TRIM43: variants seen among roughly 807,000 people sequenced by gnomAD.
TRIM43 encodes tripartite motif-containing protein 43.
In TRIM43, 12 loss-of-function variants were observed where a neutral mutation model predicts 27.7. The ratio of observed to expected loss-of-function variants is 0.43; its 90% CI spans 0.28 to 0.70. TRIM43 has a LOEUF of 0.70. Ranked by LOEUF, TRIM43 falls within the 30% of genes least tolerant of loss-of-function variation. TRIM43 has a pLI of 0.17. For missense variants in TRIM43, 186 were observed against 356.5 expected, an observed-to-expected ratio of 0.52 and a Z score of 3.85; for synonymous variants, 64 against 121.9, an observed-to-expected ratio of 0.52 and a Z score of 3.13.
In TRIM43 at chr2:95,595,149, A is replaced by G. The variant is rs766458495; in HGVS notation, c.507+4A>G. On this transcript the variant is annotated splice_donor_region_variant and intron_variant, in intron 3 of 6. Transcript: ENST00000272395. Reference sequence around the variant, plus strand: ...AAGAACAGCCTTCCTCTGGAGGGTAAGTATGAGACCGTGAGTCCTCCTGAC... The same window carrying G: ...AAGAACAGCCTTCCTCTGGAGGGTAGGTATGAGACCGTGAGTCCTCCTGAC... 2.6e-5 allele frequency: 42 copies of G among 1,608,818 alleles called. No individual in the cohort carries two copies. Among genetic ancestry groups the G allele is most frequent in the Non-Finnish European group, 3.4e-6 (4 of 1,177,302 alleles).
chr2:95,595,921 A>C, intron 3 of TRIM43, among the ~76,000 whole-genome samples: 1 of 151,600 alleles, frequency 6.6e-6, no homozygotes. Context: ...AGTGAATAAC[A>C]AAGATTATGT....
intron 3 of TRIM43, among the ~76,000 whole-genome samples, chr2:95,595,742 AAGAT>A (rs1685345264): frequency 6.6e-6 from 1 of 151,510 alleles, no homozygotes; most frequent in Non-Finnish European, 1.5e-5. Flanking sequence ...TGACAGAAGA[AAGAT>A]AGGAGACAGA....
chr2:95,592,763 CCTGCCTG>C (rs1685278196), intron 1 of TRIM43, among the ~76,000 whole-genome samples: 3 of 151,570 alleles, frequency 2.0e-5, no homozygotes, highest in African/African-American at 7.3e-5. Context: ...GCTCAAAAAA[CCTGCCTG>C]ACGGCCTCCC....
chr2:95,595,119 G>C lies in TRIM43; in HGVS notation c.481G>C (p.Glu161Gln). The change falls in exon 3 of 7, where the codon GAG becomes CAG. Residue 161 changes from glutamate (E) to glutamine (Q), a missense_variant. Glu to Gln is a conservative substitution (Grantham distance 29). This residue lies in a region of TRIM43 where 91 missense variants were observed against 119.3 expected (regional missense o/e 0.76). Coordinates refer to ENST00000272395, the MANE Select transcript of TRIM43 (RefSeq NM_138800.3). ...IQENQRNLYE[E>Q]GRTAFLWRGN... ...AGAAAATCAGAGAAATCTATATGAG[G>C]AGGGAAGAACAGCCTTCCTCTGGAG... The C allele has an allele frequency of 6.2e-7, 1 of 1,612,302 alleles. No individual in the cohort carries two copies. The highest frequency in any genetic ancestry group is 8.5e-7 in the Non-Finnish European group (1 of 1,179,136).
chr2:95,595,262 G>A, intron 3 of TRIM43, 117 bp downstream of exon 3: 1 of 752,356 alleles, frequency 1.3e-6, no homozygotes, highest in South Asian at 2.3e-5. Flanking sequence ...TTTATTCATA[G>A]GCTGGAAAAC....
intron 3 of TRIM43, 61 bp downstream of exon 3, chr2:95,595,206 T>C: frequency 5.1e-6 from 6 of 1,166,214 alleles, no homozygotes; most frequent in South Asian, 3.2e-5. Context: ...ACAACATTTA[T>C]ATTAGCAACT....
In TRIM43 at chr2:95,595,151, T is replaced by A; in HGVS notation, c.507+6T>A. 1.2e-6 allele frequency: 2 copies of A among 1,608,088 alleles called. No individual in the cohort carries two copies. The highest frequency in any genetic ancestry group is 1.7e-6 in the Non-Finnish European group (2 of 1,176,774). ...GAACAGCCTTCCTCTGGAGGGTAAG[T>A]ATGAGACCGTGAGTCCTCCTGACCA... On this transcript the variant is annotated splice_donor_region_variant and intron_variant, in intron 3 of 6. Transcript: ENST00000272395.
intron 1 of TRIM43, among the ~76,000 whole-genome samples, chr2:95,592,666 C>A (rs537454986): frequency 6.6e-6 from 1 of 151,064 alleles, no homozygotes; most frequent in East Asian, 1.9e-4. Flanking sequence ...CCACCGCGCC[C>A]GGCCTTTTTT....
chr2:95,595,810 T>C (rs1685346299), intron 3 of TRIM43, among the ~76,000 whole-genome samples: 1 of 151,166 alleles, frequency 6.6e-6, no homozygotes, highest in African/African-American at 2.4e-5. Flanking sequence ...AAGATCCTTT[T>C]TGTGTGATGG....
intron 3 of TRIM43, among the ~76,000 whole-genome samples, chr2:95,595,618 A>AT (rs1233820726): frequency 6.7e-6 from 1 of 150,190 alleles, no homozygotes; most frequent in African/African-American, 2.4e-5. Flanking sequence ...AGGAGAAGGG[A>AT]TAAAAAATGA....
chr2:95,593,582 T>C (rs541389879), intron 1 of TRIM43, among the ~76,000 whole-genome samples: 1 of 151,974 alleles, frequency 6.6e-6, no homozygotes, highest in South Asian at 2.1e-4. Flanking sequence ...TATGGATGGT[T>C]GTTATAGTTA....
chr2:95,594,795 G>A lies in TRIM43; in HGVS notation c.412-255G>A, dbSNP rs1052951095. ...ACAAAATCAGGGGCTAGCATAGTGGGTTCTGAAGCAGGATGTTTCCCTGAA... is the reference window on the plus strand; with the variant it reads ...ACAAAATCAGGGGCTAGCATAGTGGATTCTGAAGCAGGATGTTTCCCTGAA... On this transcript the variant is annotated intron_variant, in intron 2 of 6. Transcript: ENST00000272395. Among the ~76,000 whole-genome samples the A allele has an allele frequency of 1.1e-4, 16 of 151,408 alleles. 1 individual carries two copies. The highest frequency in any genetic ancestry group is 1.9e-4 in the Non-Finnish European group (13 of 67,898).
rs528266044 is a variant in TRIM43 at position 95,595,259 on chromosome 2, A to C, written c.507+114A>C. On this transcript the variant is annotated intron_variant, in intron 3 of 6. Transcript: ENST00000272395. Reference sequence around the variant, plus strand: ...GCCAGATTTTGTCATGTGTTTATTCATAGGCTGGAAAACAACCAGACTGTT... The same window carrying C: ...GCCAGATTTTGTCATGTGTTTATTCCTAGGCTGGAAAACAACCAGACTGTT... 69 of 769,942 alleles carry C rather than the reference A, an allele frequency of 9.0e-5. 1 individual carries two copies. In the East Asian group the frequency reaches 1.4e-3, roughly 16 times the overall value. 47.7% of individuals were successfully genotyped at this position (769,942 alleles called of 1,614,324 possible).
In TRIM43 at chr2:95,596,280, C is replaced by T; in HGVS notation, c.586C>T (p.Gln196Ter). Residue 196 changes from glutamine to a stop codon, truncating the protein, a stop_gained, in exon 4 of 7, where the codon CAA becomes TAA. Coordinates refer to ENST00000272395, the MANE Select transcript of TRIM43 (RefSeq NM_138800.3). LOFTEE classifies it high-confidence loss of function. ...LHPVLHKEEK[Q>*]HLERLNKEYQ... ...TCCGGTTCTCCATAAGGAAGAAAAACAACATTTAGAGAGACTGAACAAGGA... is the reference window on the plus strand; with the variant it reads ...TCCGGTTCTCCATAAGGAAGAAAAATAACATTTAGAGAGACTGAACAAGGA... 1 of 1,609,248 alleles carries T rather than the reference C, an allele frequency of 6.2e-7. No homozygotes were observed. The highest frequency in any genetic ancestry group is 8.5e-7 in the Non-Finnish European group (1 of 1,177,690).
In TRIM43 at chr2:95,594,071, C is replaced by T; in HGVS notation, c.48C>T (p.Val16=). 1 of 1,613,150 alleles carries T rather than the reference C, an allele frequency of 6.2e-7. No individual in the cohort carries two copies. Among genetic ancestry groups the T allele is most frequent in the Non-Finnish European group, 8.5e-7 (1 of 1,179,684 alleles). Residue 16 remains valine, a synonymous_variant, in exon 2 of 7, where the codon GTC becomes GTT. Transcript: ENST00000272395. ...CCTTCCAGAAGGAACTCACCTGCGT[C>T]ATCTGTTTGAACTACCTGGTAGACC... ...SHAFQKELTC[V]ICLNYLVDPV...
chr2:95,593,733 G>T (rs1394453717), intron 1 of TRIM43, among the ~76,000 whole-genome samples: 1 of 151,756 alleles, frequency 6.6e-6, no homozygotes, highest in Non-Finnish European at 1.5e-5. Flanking sequence ...TGAAGCCCAA[G>T]CAATTTGGTG....
chr2:95,599,596 T>C lies in TRIM43; in HGVS notation c.*23T>C, dbSNP rs1377948908. The C allele has an allele frequency of 8.9e-7, 1 of 1,118,880 alleles. No individual in the cohort carries two copies. The highest frequency in any genetic ancestry group is 1.2e-6 in the Non-Finnish European group (1 of 837,340). 69.3% of individuals were successfully genotyped at this position (1,118,880 alleles called of 1,614,324 possible). On this transcript the variant is annotated 3_prime_UTR_variant, in exon 7 of 7. Transcript: ENST00000272395. ...TGATCAGGATTAAGAAAACTTACTGTTTGGGAACTCCATATACAAGGGAGC... is the reference window on the plus strand; with the variant it reads ...TGATCAGGATTAAGAAAACTTACTGCTTGGGAACTCCATATACAAGGGAGC...
intron 1 of TRIM43, among the ~76,000 whole-genome samples, chr2:95,593,325 T>C (rs1286628377): frequency 1.3e-5 from 2 of 151,938 alleles, no homozygotes; most frequent in African/African-American, 4.8e-5. Context: ...AAGGATGTTG[T>C]AATATTAACT....
chr2:95,593,910 A>G (rs1268848180), intron 1 of TRIM43, 110 bp from the exon 2 acceptor site: 2 of 1,531,248 alleles, frequency 1.3e-6, no homozygotes, highest in South Asian at 2.6e-5. Flanking sequence ...TAAAGCCTAT[A>G]CTTCTTTAGA....
Sources: allele counts gnomAD v4.1 joint callset (sites outside exome capture counted in the v4.1 genomes callset), GRCh38; gene constraint gnomAD v4.1.1; regional missense constraint gnomAD v4.1.1; transcripts MANE v1.5; gene names NCBI Gene and HGNC (gene_info 2026-07-23, HGNC 2026-07-21).